FAM81B: variants seen among roughly 807,000 people sequenced by gnomAD.
FAM81B encodes family with sequence similarity 81 member B, also known as protein FAM81B.
A neutral mutation model predicts 58.7 loss-of-function variants in FAM81B; 60 were observed. The observed-to-expected ratio is 1.02, with a 90% CI of 0.83 to 1.27. The LOEUF (loss-of-function observed/expected upper bound fraction) is 1.27. Ranked by LOEUF, FAM81B falls within the 50% of genes most tolerant of loss-of-function variation. The probability of loss-of-function intolerance (pLI) is 0.00; values close to 1 mark genes in which losing one functional copy is unlikely to be tolerated. For missense variants in FAM81B, 491 were observed against 522.0 expected (o/e 0.94, Z 0.58); for synonymous variants, 189 against 179.6 (o/e 1.05, Z -0.42).
intron 3 of FAM81B, among the ~76,000 whole-genome samples, chr5:95,398,514 A>AC (rs1444616615): frequency 1.3e-5 from 2 of 152,204 alleles, no homozygotes; most frequent in Admixed American, 1.3e-4. Context: ...TGACATGCAA[A>AC]CAGAGTACTT....
intron 6 of FAM81B, among the ~76,000 whole-genome samples, chr5:95,431,474 C>T (rs1297960909): frequency 6.6e-6 from 1 of 151,780 alleles, no homozygotes; most frequent in South Asian, 2.1e-4. Flanking sequence ...TAAAATCAGC[C>T]TGTCTCATTT....
intron 4 of FAM81B, among the ~76,000 whole-genome samples, chr5:95,419,404 C>T (rs1198020022): frequency 6.6e-6 from 1 of 152,174 alleles, no homozygotes; most frequent in African/African-American, 2.4e-5. Context: ...AAGGCCTACA[C>T]AGAACTCTCA....
intron 6 of FAM81B, among the ~76,000 whole-genome samples, chr5:95,433,947 C>T (rs532023498): frequency 6.6e-6 from 1 of 152,164 alleles, no homozygotes; most frequent in African/African-American, 2.4e-5. Context: ...CCTCACTTCA[C>T]ATGTAGAGTA....
At chr5:95,436,679 C>A in intron 6 of FAM81B, 121 bp from the exon 7 acceptor site, 5 of 717,076 alleles carry the variant, frequency 7.0e-6, no homozygotes, top group Non-Finnish European at 1.2e-5. Context: ...GTCTGTTTCC[C>A]AGCTCCTTAA....
At chr5:95,412,219 T>C (rs1762424513) in intron 3 of FAM81B, among the ~76,000 whole-genome samples, 2 of 152,190 alleles carry the variant, frequency 1.3e-5, no homozygotes, top group Non-Finnish European at 2.9e-5. Context: ...CACTGCTCTT[T>C]TTGAAATTCT....
In FAM81B at chr5:95,398,784, C is replaced by T. The variant is rs1022998541; in HGVS notation, c.293+2609C>T. Reference sequence around the variant, plus strand: ...AAGAATCTGACATTTGAGAAAAGACCAGGAAGTGAGGAATTTGTCCATATG... The same window carrying T: ...AAGAATCTGACATTTGAGAAAAGACTAGGAAGTGAGGAATTTGTCCATATG... On this transcript the variant is annotated intron_variant, in intron 3 of 9. Transcript: ENST00000283357. Among the ~76,000 whole-genome samples the T allele has an allele frequency of 2.5e-4, 38 of 152,208 alleles. 1 individual carries two copies. The highest frequency in any genetic ancestry group is 7.0e-4 in the African/African-American group (29 of 41,514).
chr5:95,414,405 ATATT>A (rs766557593), intron 4 of FAM81B, among the ~76,000 whole-genome samples: 1 of 152,214 alleles, frequency 6.6e-6, no homozygotes, highest in South Asian at 2.1e-4. Flanking sequence ...TATTCAAAAA[ATATT>A]TACTGTATAT....
At chr5:95,429,135 C>A (rs539302213) in intron 6 of FAM81B, among the ~76,000 whole-genome samples, 1 of 152,136 alleles carries the variant, frequency 6.6e-6, no homozygotes, top group Non-Finnish European at 1.5e-5. Flanking sequence ...ACTTAAAGCC[C>A]TGCAATGGGT....
intron 6 of FAM81B, among the ~76,000 whole-genome samples, chr5:95,432,302 A>G (rs1163927543): frequency 6.6e-6 from 1 of 152,074 alleles, no homozygotes. Context: ...ATTTTACTTA[A>G]GAATTTTGCA....
chr5:95,450,087 C>G (rs1021932803), intron 9 of FAM81B, 62 bp from the exon 10 acceptor site: 9 of 1,527,048 alleles, frequency 5.9e-6, no homozygotes, highest in Non-Finnish European at 7.0e-6. Context: ...CGATTAGCAA[C>G]TTTTTTAAAA....
chr5:95,399,980 T>G (rs1374526786), intron 3 of FAM81B, among the ~76,000 whole-genome samples: 1 of 152,198 alleles, frequency 6.6e-6, no homozygotes, highest in Non-Finnish European at 1.5e-5. Flanking sequence ...GAGTGACTCA[T>G]AGCCTCCATG....
rs540429829 is a variant in FAM81B at position 95,425,594 on chromosome 5, C to A, written c.657-3009C>A. 3.9e-5 allele frequency among the ~76,000 whole-genome samples: 6 copies of A among 152,206 alleles called. No homozygotes were observed. The East Asian group carries it at 1.2e-3, about 29-fold the overall frequency. On this transcript the variant is annotated intron_variant, in intron 5 of 9. Coordinates refer to ENST00000283357, the MANE Select transcript of FAM81B (RefSeq NM_152548.3). ...TAAAATCTGGATGACAAAATCTGGC[C>A]AACCATGGAATAAATCAAAATAAGG... is the stretch of plus-strand genomic sequence containing the variant.
chr5:95,449,819 C>T (rs1357323060), intron 9 of FAM81B, among the ~76,000 whole-genome samples: 2 of 152,156 alleles, frequency 1.3e-5, no homozygotes, highest in South Asian at 2.1e-4. Flanking sequence ...GAAAAAAAAT[C>T]ACACAAGTCT....
chr5:95,398,516 A>G (rs1762023317), intron 3 of FAM81B, among the ~76,000 whole-genome samples: 2 of 152,222 alleles, frequency 1.3e-5, no homozygotes, highest in Admixed American at 6.5e-5. Flanking sequence ...ACATGCAAAC[A>G]GAGTACTTAA....
chr5:95,437,585 C>T (rs1234196085), intron 7 of FAM81B, among the ~76,000 whole-genome samples: 1 of 152,208 alleles, frequency 6.6e-6, no homozygotes, highest in African/African-American at 2.4e-5. Flanking sequence ...GATCCGCCCG[C>T]CTCAGCCTCC....
intron 5 of FAM81B, among the ~76,000 whole-genome samples, chr5:95,427,383 C>T (rs1030453186): frequency 6.6e-6 from 1 of 152,144 alleles, no homozygotes; most frequent in African/African-American, 2.4e-5. Context: ...TACCATCCTG[C>T]TCCCATTCTT....
chr5:95,434,693 C>T (rs1164953388), intron 6 of FAM81B, among the ~76,000 whole-genome samples: 1 of 152,096 alleles, frequency 6.6e-6, no homozygotes, highest in Non-Finnish European at 1.5e-5. Context: ...TTTTTTATTC[C>T]TTTTAAACTT....
At chr5:95,429,172 G>C (rs762921935) in intron 6 of FAM81B, among the ~76,000 whole-genome samples, 7 of 152,152 alleles carry the variant, frequency 4.6e-5, no homozygotes, top group Non-Finnish European at 1.0e-4. Flanking sequence ...TAACATGTAA[G>C]TCCTTTGGTT....
intron 3 of FAM81B, among the ~76,000 whole-genome samples, chr5:95,408,617 C>T (rs1404685821): frequency 6.6e-6 from 1 of 152,228 alleles, no homozygotes; most frequent in Non-Finnish European, 1.5e-5. Context: ...GGCTTGAATA[C>T]TGGTCCACTG....
Sources: allele counts gnomAD v4.1 joint callset (sites outside exome capture counted in the v4.1 genomes callset), GRCh38; gene constraint gnomAD v4.1.1; transcripts MANE v1.5; gene names NCBI Gene and HGNC (gene_info 2026-07-23, HGNC 2026-07-21).